WWOX: variants seen among roughly 807,000 people sequenced by gnomAD.
The protein encoded by WWOX is WW domain-containing oxidoreductase.
In WWOX, 69 loss-of-function variants were observed where a neutral mutation model predicts 46.2. The observed-to-expected ratio is 1.49, with a 90% CI of 1.23 to 1.82. The LOEUF is 1.82. WWOX is among the 40% of genes most tolerant of loss of function. WWOX has a pLI of 0.00. For missense variants in WWOX, 919 were observed against 542.6 expected, an observed-to-expected ratio of 1.69 and a Z score of -6.89; for synonymous variants, 359 against 202.6, an observed-to-expected ratio of 1.77 and a Z score of -6.56.
At chr16:78,394,904 G>C (rs1215398594) in intron 6 of WWOX, among the ~76,000 whole-genome samples, 1 of 152,158 alleles carries the variant, frequency 6.6e-6, no homozygotes, top group African/African-American at 2.4e-5. Flanking sequence ...CCACTTACTG[G>C]CTGTGTGGCT....
chr16:78,976,837 T>A (rs1049225100), intron 8 of WWOX, among the ~76,000 whole-genome samples: 6 of 152,178 alleles, frequency 3.9e-5, no homozygotes, highest in Non-Finnish European at 8.8e-5. Context: ...CTGGTTCAGT[T>A]GCAAACATGG....
intron 8 of WWOX, among the ~76,000 whole-genome samples, chr16:78,864,434 A>G (rs1322967698): frequency 6.6e-6 from 1 of 151,940 alleles, no homozygotes; most frequent in African/African-American, 2.4e-5. Context: ...CACCCAGCTA[A>G]GTTTTGTATT....
chr16:78,421,600 TCA>T (rs1470514874), intron 6 of WWOX, among the ~76,000 whole-genome samples: 1 of 152,178 alleles, frequency 6.6e-6, no homozygotes, highest in Non-Finnish European at 1.5e-5. Context: ...ACCATTCAAC[TCA>T]CAGATTCCTA....
At chr16:78,572,789 C>T (rs1280789743) in intron 8 of WWOX, among the ~76,000 whole-genome samples, 8 of 151,884 alleles carry the variant, frequency 5.3e-5, no homozygotes, top group African/African-American at 1.7e-4. Context: ...AGGGACGGGG[C>T]ATGGTTGGGA....
intron 5 of WWOX, among the ~76,000 whole-genome samples, chr16:78,248,958 G>T (rs990103969): frequency 5.3e-5 from 8 of 149,804 alleles, no homozygotes; most frequent in African/African-American, 2.0e-4. Flanking sequence ...CTGGGCTCAG[G>T]TGATTCTCCT....
chr16:78,990,117 T>C (rs2046857227), intron 8 of WWOX, among the ~76,000 whole-genome samples: 1 of 149,068 alleles, frequency 6.7e-6, no homozygotes, highest in East Asian at 2.0e-4. Context: ...CCAGGAAGTC[T>C]AGGCTGCAGT....
At chr16:78,300,734 C>G (rs561965077) in intron 5 of WWOX, among the ~76,000 whole-genome samples, 14 of 152,140 alleles carry the variant, frequency 9.2e-5, no homozygotes, top group African/African-American at 2.9e-4. Context: ...GTTTTTTTCT[C>G]CTGTCACTGA....
chr16:78,822,296 C>G (rs1442989203), intron 8 of WWOX, among the ~76,000 whole-genome samples: 2 of 152,058 alleles, frequency 1.3e-5, no homozygotes, highest in African/African-American at 2.4e-5. Flanking sequence ...GAGTTCAAGC[C>G]CAGCCTGGCT....
At chr16:79,190,245 G>A (rs1248548490) in intron 8 of WWOX, among the ~76,000 whole-genome samples, 4 of 152,074 alleles carry the variant, frequency 2.6e-5, no homozygotes, top group East Asian at 1.9e-4. Context: ...GGCTGGTCTC[G>A]AACTCCTGAC....
intron 5 of WWOX, among the ~76,000 whole-genome samples, chr16:78,291,269 T>C (rs1278468818): frequency 1.3e-5 from 2 of 152,240 alleles, no homozygotes; most frequent in African/African-American, 2.4e-5. Flanking sequence ...TTTGACTCGA[T>C]GTGTATTCTT....
intron 8 of WWOX, among the ~76,000 whole-genome samples, chr16:79,046,928 C>T (rs1436346179): frequency 6.6e-6 from 1 of 152,178 alleles, no homozygotes; most frequent in Non-Finnish European, 1.5e-5. Context: ...TTAAACAACT[C>T]ACAACTCATT....
chr16:78,380,420 G>C (rs540670106), intron 5 of WWOX, among the ~76,000 whole-genome samples: 2 of 152,148 alleles, frequency 1.3e-5, no homozygotes, highest in Non-Finnish European at 2.9e-5. Context: ...AGATGCTATA[G>C]GGATAAATAA....
intron 8 of WWOX, among the ~76,000 whole-genome samples, chr16:78,462,325 G>A (rs1054444608): frequency 1.3e-5 from 2 of 151,794 alleles, no homozygotes; most frequent in African/African-American, 2.4e-5. Flanking sequence ...AGTAGCTAAC[G>A]AGGGCTGTGA....
At chr16:79,053,793 G>A (rs183891063) in intron 8 of WWOX, among the ~76,000 whole-genome samples, 2 of 152,220 alleles carry the variant, frequency 1.3e-5, no homozygotes, top group African/African-American at 4.8e-5. Context: ...TAATCCTGGA[G>A]CCTCTGACTT....
At chr16:78,555,614 ATTG>A (rs373639897) in intron 8 of WWOX, among the ~76,000 whole-genome samples, 298 of 134,086 alleles carry the variant, frequency 2.2e-3, no homozygotes, top group African/African-American at 7.8e-3. Flanking sequence ...TACTTGCATT[ATTG>A]TTGTTGTTGT....
At chr16:78,762,046 T>C (rs2049807355) in intron 8 of WWOX, among the ~76,000 whole-genome samples, 1 of 152,200 alleles carries the variant, frequency 6.6e-6, no homozygotes. Context: ...ATTACTCCTA[T>C]TTGGTGTCAA....
chr16:78,421,305 C>G (rs1357604808), intron 6 of WWOX, among the ~76,000 whole-genome samples: 1 of 152,120 alleles, frequency 6.6e-6, no homozygotes, highest in Non-Finnish European at 1.5e-5. Flanking sequence ...TGCCTTTCTC[C>G]TAGCTTCCCA....
intron 8 of WWOX, among the ~76,000 whole-genome samples, chr16:78,767,816 G>A (rs571488332): frequency 2.9e-4 from 44 of 152,196 alleles, no homozygotes; most frequent in African/African-American, 9.6e-4. Context: ...GATGTTAAGC[G>A]TACTTTCACG....
chr16:79,074,063 G>A (rs748572902), intron 8 of WWOX, among the ~76,000 whole-genome samples: 5 of 151,942 alleles, frequency 3.3e-5, no homozygotes, highest in African/African-American at 1.2e-4. Flanking sequence ...CTTCTGCTAC[G>A]AGTGTATACA....
Sources: allele counts gnomAD v4.1 joint callset (sites outside exome capture counted in the v4.1 genomes callset), GRCh38; gene constraint gnomAD v4.1.1; transcripts MANE v1.5; gene names NCBI Gene and HGNC (gene_info 2026-07-23, HGNC 2026-07-21).